The following KDM5A variants were observed in gnomAD, a reference collection of about 807,000 sequenced individuals.
KDM5A encodes lysine-specific demethylase 5A.
KDM5A carries 42 observed loss-of-function variants against 193.5 expected under a neutral mutation model. The ratio of observed to expected loss-of-function variants is 0.22; its 90% CI spans 0.17 to 0.28. The LOEUF (loss-of-function observed/expected upper bound fraction) is 0.28, where lower values mean the gene tolerates loss of function less well. Ranked by LOEUF, KDM5A falls within the 10% of genes least tolerant of loss-of-function variation. The pLI is 1.00. For missense variants in KDM5A, 1,692 were observed against 2,055.1 expected (o/e 0.82, Z 3.42); for synonymous variants, 796 against 718.1 (o/e 1.11, Z -1.73).
chr12:334,251 A>G lies in KDM5A; in HGVS notation c.1480T>C (p.Tyr494His). ...TTAGACTGTACATACCAGTGCAAGT[A>G]GTTGATGGAATAACTCCAGTGATCC... ...IEDHWSYSIN[Y>H]LHWGEPKTWY... Residue 494 changes from tyrosine (Y) to histidine (H), a missense_variant, in exon 11 of 28, where the codon TAC (tyrosine) becomes CAC (histidine). Tyr to His is a moderately conservative substitution (Grantham distance 83). Coordinates refer to ENST00000399788, the MANE Select transcript of KDM5A (RefSeq NM_001042603.3). The G allele has an allele frequency of 6.2e-7, 1 of 1,614,102 alleles. No individual in the cohort carries two copies. The highest frequency in any genetic ancestry group is 1.3e-5 in the African/African-American group (1 of 75,068).
chr12:296,950 C>T, intron 25 of KDM5A, 91 bp downstream of exon 25: 2 of 1,333,114 alleles, frequency 1.5e-6, no homozygotes, highest in Non-Finnish European at 2.1e-6. Context: ...TTGTACTCCA[C>T]TCGAAATGGA....
intron 25 of KDM5A, among the ~76,000 whole-genome samples, chr12:296,100 C>A (rs1306332107): frequency 6.6e-6 from 1 of 152,054 alleles, no homozygotes; most frequent in Non-Finnish European, 1.5e-5. Context: ...GGGTGGATCA[C>A]CTGAGGTCAG....
intron 27 of KDM5A, among the ~76,000 whole-genome samples, chr12:290,791 TAA>T (rs1377625525): frequency 6.6e-6 from 1 of 152,114 alleles, no homozygotes; most frequent in African/African-American, 2.4e-5. Flanking sequence ...GAATCCTATT[TAA>T]ATGCTGAGCA....
At chr12:288,550 T>C (rs999773444) in intron 27 of KDM5A, among the ~76,000 whole-genome samples, 7 of 152,214 alleles carry the variant, frequency 4.6e-5, no homozygotes, top group African/African-American at 1.7e-4. Flanking sequence ...ATATTTGGCA[T>C]AGTATATTTT....
At chr12:387,347 C>A in intron 1 of KDM5A, 1 of 244,228 alleles carries the variant, frequency 4.1e-6, no homozygotes, top group Non-Finnish European at 8.3e-6. Context: ...ATTATTTCAG[C>A]ATTTTTTTAA....
chr12:343,664 G>A (rs1944034852), intron 10 of KDM5A, among the ~76,000 whole-genome samples: 1 of 152,222 alleles, frequency 6.6e-6, no homozygotes, highest in South Asian at 2.1e-4. Context: ...CAGATCTGCA[G>A]CTGAGGGTCC....
At chr12:331,568 T>C (rs1290896186) in intron 13 of KDM5A, among the ~76,000 whole-genome samples, 1 of 151,908 alleles carries the variant, frequency 6.6e-6, no homozygotes, top group Non-Finnish European at 1.5e-5. Flanking sequence ...AGGAATAGAA[T>C]GGAAGTGAAG....
chr12:353,936 A>AAAT, intron 8 of KDM5A, 140 bp downstream of exon 8: 1 of 686,598 alleles, frequency 1.5e-6, no homozygotes, highest in Non-Finnish European at 2.4e-6. Context: ...AAAAAAAAAA[A>AAAT]GTCCTGGAAA....
intron 14 of KDM5A, among the ~76,000 whole-genome samples, chr12:326,533 A>G (rs1409553691): frequency 3.3e-5 from 5 of 152,216 alleles, no homozygotes; most frequent in Non-Finnish European, 5.9e-5. Context: ...ATAGTGCAAT[A>G]AAGAGGTCAT....
chr12:285,237 G>A lies in KDM5A; in HGVS notation c.*219C>T. ...ACACTCAAAGGAGACATGAAATATT[G>A]GCTGTTGTACCAAAGAAGACACCCT... On this transcript the variant is annotated 3_prime_UTR_variant, in exon 28 of 28. Transcript: ENST00000399788. 1 of 588,980 alleles carries A rather than the reference G, an allele frequency of 1.7e-6. No individual in the cohort carries two copies. Among genetic ancestry groups the A allele is most frequent in the South Asian group, 2.1e-5 (1 of 48,122 alleles). 36.5% of individuals were successfully genotyped at this position (588,980 alleles called of 1,614,324 possible).
chr12:334,204 T>C (rs772351383), intron 11 of KDM5A, 37 bp downstream of exon 11: 32 of 1,564,654 alleles, frequency 2.0e-5, no homozygotes, highest in Middle Eastern at 1.7e-4. Flanking sequence ...TAGACTTTAG[T>C]AGAGTTCATG....
chr12:301,706 G>C (rs1390435623), intron 24 of KDM5A, among the ~76,000 whole-genome samples: 1 of 152,134 alleles, frequency 6.6e-6, no homozygotes, highest in Non-Finnish European at 1.5e-5. Flanking sequence ...AAGAAATAAA[G>C]GGTATTCAAA....
intron 15 of KDM5A, 101 bp downstream of exon 15, chr12:323,499 A>G: frequency 8.2e-7 from 1 of 1,214,254 alleles, no homozygotes; most frequent in Non-Finnish European, 1.2e-6. Context: ...GAAGTTTAGA[A>G]GTCCAGAGTA....
chr12:367,125 T>G (rs748524867), intron 3 of KDM5A, among the ~76,000 whole-genome samples: 3 of 152,206 alleles, frequency 2.0e-5, no homozygotes, highest in Non-Finnish European at 4.4e-5. Context: ...TCAGAACATA[T>G]CCCTGTCATT....
intron 3 of KDM5A, among the ~76,000 whole-genome samples, chr12:373,846 T>A (rs1423571088): frequency 6.6e-6 from 1 of 152,240 alleles, no homozygotes; most frequent in Non-Finnish European, 1.5e-5. Flanking sequence ...TACCCAGTAG[T>A]CATTCAGGAG....
chr12:316,008 A>G (rs1943647148), intron 19 of KDM5A, among the ~76,000 whole-genome samples: 2 of 152,246 alleles, frequency 1.3e-5, no homozygotes, highest in Non-Finnish European at 2.9e-5. Context: ...CAGAGTGAGA[A>G]AAGAAAGGCA....
At chr12:324,662 C>T (rs1298836039) in intron 14 of KDM5A, among the ~76,000 whole-genome samples, 1 of 152,124 alleles carries the variant, frequency 6.6e-6, no homozygotes, top group Non-Finnish European at 1.5e-5. Context: ...CACCTGAGAT[C>T]AGGAGTTCAA....
In KDM5A at chr12:328,913, C is replaced by A; in HGVS notation, c.1890G>T (p.Gly630=). Residue 630 remains glycine, a synonymous_variant, in exon 14 of 28, where the codon GGG becomes GGT. Coordinates refer to ENST00000399788, the MANE Select transcript of KDM5A (RefSeq NM_001042603.3). Reference sequence around the variant, plus strand: ...ATTCTTTGCAGACCATGGCAGCCAGCCCCACATCTAAGCATTCTGGATCTG... The same window carrying A: ...ATTCTTTGCAGACCATGGCAGCCAGACCCACATCTAAGCATTCTGGATCTG... ...MAADPECLDV[G]LAAMVCKELT... is the part of the protein sequence containing the mutation. 3 of 1,614,184 alleles carry A rather than the reference C, an allele frequency of 1.9e-6. No individual in the cohort carries two copies. Among genetic ancestry groups the A allele is most frequent in the Middle Eastern group, 1.7e-4 (1 of 6,056 alleles).
At chr12:326,864 CAAAAAAAAAAAAAAAA>C (rs61571425) in intron 14 of KDM5A, among the ~76,000 whole-genome samples, 1 of 86,010 alleles carries the variant, frequency 1.2e-5, no homozygotes. Flanking sequence ...GACTCTGTCT[CAAAAAAAAAAAAAAAA>C]AAAAAAAAAA....
Sources: allele counts gnomAD v4.1 joint callset (sites outside exome capture counted in the v4.1 genomes callset), GRCh38; gene constraint gnomAD v4.1.1; transcripts MANE v1.5; gene names NCBI Gene and HGNC (gene_info 2026-07-23, HGNC 2026-07-21).